The following HGSNAT variants were observed in gnomAD, a reference collection of about 807,000 sequenced individuals.
HGSNAT encodes the protein heparan-alpha-glucosaminide N-acetyltransferase, also known as transmembrane protein 76.
In HGSNAT, 59 loss-of-function variants were observed where a neutral mutation model predicts 85.2. The ratio of observed to expected loss-of-function variants is 0.69; its 90% confidence interval spans 0.56 to 0.86. HGSNAT has a LOEUF of 0.86. Among genes scored for constraint, HGSNAT ranks in the 40% least tolerant of loss-of-function variants. HGSNAT has a pLI of 0.00. For synonymous variants in HGSNAT, 321 were observed against 304.5 expected, an observed-to-expected ratio of 1.05 and a Z score of -0.56; for missense variants, 756 against 777.1, an observed-to-expected ratio of 0.97 and a Z score of 0.32.
At chr8:43,159,668 T>C (rs556492643) in intron 4 of HGSNAT, among the ~76,000 whole-genome samples, 2 of 152,326 alleles carry the variant, frequency 1.3e-5, no homozygotes, top group South Asian at 2.1e-4. Context: ...AAAATGTTAA[T>C]GCAGTGGAAA....
chr8:43,155,011 T>C (rs1251370710), intron 2 of HGSNAT, among the ~76,000 whole-genome samples: 1 of 152,242 alleles, frequency 6.6e-6, no homozygotes, highest in East Asian at 1.9e-4. Context: ...TGTCTGTTCA[T>C]ATCCTTCGCC....
At chr8:43,151,858 A>G (rs1802932191) in intron 2 of HGSNAT, among the ~76,000 whole-genome samples, 1 of 152,216 alleles carries the variant, frequency 6.6e-6, no homozygotes, top group Non-Finnish European at 1.5e-5. Flanking sequence ...GATTCTATCC[A>G]GGAGAGAGGA....
intron 4 of HGSNAT, among the ~76,000 whole-genome samples, chr8:43,160,404 T>C (rs1232388638): frequency 6.6e-6 from 1 of 152,224 alleles, no homozygotes; most frequent in Non-Finnish European, 1.5e-5. Flanking sequence ...TTTTACCAGC[T>C]GAACACATCC....
At chr8:43,191,369 A>G (rs1047494905) in intron 11 of HGSNAT, 105 bp from the exon 12 acceptor site, 2 of 1,424,206 alleles carry the variant, frequency 1.4e-6, no homozygotes, top group East Asian at 2.3e-5. Context: ...ATTACTGCCA[A>G]AAAGGCCAAG....
chr8:43,161,384 T>C, intron 4 of HGSNAT, 54 bp from the exon 5 acceptor site: 1 of 1,363,874 alleles, frequency 7.3e-7, no homozygotes, highest in Middle Eastern at 1.8e-4. Flanking sequence ...GTGATGTCTT[T>C]GATGTTCATG....
At chr8:43,188,701 C>T (rs544351734) in intron 11 of HGSNAT, among the ~76,000 whole-genome samples, 56 of 152,342 alleles carry the variant, frequency 3.7e-4, no homozygotes, top group African/African-American at 1.2e-3. Context: ...CGAGGTGCTG[C>T]GTTCCTTTGG....
chr8:43,194,070 T>C, intron 14 of HGSNAT: 5 of 1,317,058 alleles, frequency 3.8e-6, no homozygotes, highest in Non-Finnish European at 4.8e-6. Context: ...TTCTTACTTA[T>C]ATGGCTTATC....
In HGSNAT at chr8:43,140,625, A is replaced by C. The variant is rs1160501267; in HGVS notation, c.118+11A>C. On this transcript the variant is annotated intron_variant, in intron 1 of 17. Transcript: ENST00000379644. Reference sequence around the variant, plus strand: ...CCGCGCCGCCACGAGGTGAGTGCACACCTCCTACCGCCGCCCGGCCGGCTA... The same window carrying C: ...CCGCGCCGCCACGAGGTGAGTGCACCCCTCCTACCGCCGCCCGGCCGGCTA... 2 of 1,203,742 alleles carry C rather than the reference A, an allele frequency of 1.7e-6. No individual in the cohort carries two copies. The highest frequency in any genetic ancestry group is 1.0e-6 in the Non-Finnish European group (1 of 952,410). 74.6% of individuals were successfully genotyped at this position (1,203,742 alleles called of 1,614,324 possible).
intron 9 of HGSNAT, among the ~76,000 whole-genome samples, chr8:43,175,224 C>T (rs1803767141): frequency 1.3e-5 from 2 of 152,110 alleles, no homozygotes; most frequent in Non-Finnish European, 2.9e-5. Flanking sequence ...TGATTTCCTT[C>T]CTTTTGCATA....
chr8:43,187,337 G>T (rs1371584719), intron 11 of HGSNAT, among the ~76,000 whole-genome samples: 1 of 152,192 alleles, frequency 6.6e-6, no homozygotes, highest in Non-Finnish European at 1.5e-5. Flanking sequence ...TGTATTGGGT[G>T]CATATATATT....
intron 14 of HGSNAT, among the ~76,000 whole-genome samples, chr8:43,195,501 G>A (rs999924125): frequency 1.4e-4 from 21 of 146,644 alleles, no homozygotes; most frequent in African/African-American, 5.5e-4. Context: ...GAAGGAAGAG[G>A]AGGAGGAGGA....
At chr8:43,194,495 T>C (rs1379832234) in intron 14 of HGSNAT, 3 of 985,336 alleles carry the variant, frequency 3.0e-6, no homozygotes, top group Non-Finnish European at 2.4e-6. Flanking sequence ...TTCTTTCATG[T>C]ACACTCATAT....
chr8:43,183,098 C>T (rs1382966372), intron 11 of HGSNAT, among the ~76,000 whole-genome samples: 1 of 152,232 alleles, frequency 6.6e-6, no homozygotes, highest in Admixed American at 6.5e-5. Context: ...TTCATCACCT[C>T]AAACAGTTAT....
chr8:43,155,295 T>C (rs1426720855), intron 2 of HGSNAT, among the ~76,000 whole-genome samples: 1 of 152,232 alleles, frequency 6.6e-6, no homozygotes, highest in East Asian at 1.9e-4. Flanking sequence ...TGAGGTGATA[T>C]CTTATTGTGG....
chr8:43,193,736 C>T (rs373930673), intron 13 of HGSNAT, 21 bp from the exon 14 acceptor site: 1 of 1,562,526 alleles, frequency 6.4e-7, no homozygotes, highest in Non-Finnish European at 8.8e-7. Flanking sequence ...TGAGTGCTGC[C>T]TTCTGCTTCT....
intron 2 of HGSNAT, among the ~76,000 whole-genome samples, chr8:43,152,555 A>G (rs953756055): frequency 1.3e-5 from 2 of 152,058 alleles, no homozygotes; most frequent in African/African-American, 4.8e-5. Flanking sequence ...GGCTCAAGAA[A>G]TCCTTCTGCT....
At chr8:43,192,258 G>A (rs757438161) in intron 12 of HGSNAT, 46 bp from the exon 13 acceptor site, 16 of 1,570,640 alleles carry the variant, frequency 1.0e-5, no homozygotes, top group South Asian at 3.5e-5. Context: ...CCCTCTGTTC[G>A]CCCTTATGAG....
intron 13 of HGSNAT, among the ~76,000 whole-genome samples, chr8:43,193,512 C>T (rs1804610356): frequency 6.6e-6 from 1 of 152,192 alleles, no homozygotes. Context: ...GCTGCAATCA[C>T]AGTGGCTGCT....
Position 43,169,231 on chromosome 8 carries a change from C to A in HGSNAT, c.622C>A (p.Leu208Ile). ...KAISSRETDR[L>I]INSELGSPSR... is the part of the protein sequence containing the mutation. The stretch of plus-strand genomic sequence containing the variant: ...CATAAGTTCTCGAGAAACTGATCGC[C>A]TCATCAATTCTGTAAGTTATGAGAT... The change falls in exon 6 of 18, where the codon CTC (leucine) becomes ATC (isoleucine). Residue 208 changes from leucine to isoleucine, a missense_variant. Leu to Ile is a conservative substitution (Grantham distance 5). Coordinates refer to ENST00000379644, the MANE Select transcript of HGSNAT (RefSeq NM_152419.3). 1 of 1,581,714 alleles carries A rather than the reference C, an allele frequency of 6.3e-7. No homozygotes were observed.
Sources: allele counts gnomAD v4.1 joint callset (sites outside exome capture counted in the v4.1 genomes callset), GRCh38; gene constraint gnomAD v4.1.1; transcripts MANE v1.5; gene names NCBI Gene and HGNC (gene_info 2026-07-23, HGNC 2026-07-21).